The following HOOK3 variants were observed in gnomAD, a reference collection of about 807,000 sequenced individuals.
HOOK3 encodes the protein protein Hook homolog 3.
HOOK3 carries 24 observed loss-of-function variants against 116.3 expected under a neutral mutation model. That is an observed-to-expected ratio of 0.21 (90% CI 0.15 to 0.29). The LOEUF is 0.29. Ranked by LOEUF, HOOK3 falls within the 10% of genes least tolerant of loss-of-function variation. HOOK3 has a pLI of 1.00. For synonymous variants in HOOK3, 275 were observed against 283.0 expected, an observed-to-expected ratio of 0.97 and a Z score of 0.28; for missense variants, 632 against 830.2, an observed-to-expected ratio of 0.76 and a Z score of 2.93.
At chr8:42,946,813 G>C (rs187859283) in intron 5 of HOOK3, among the ~76,000 whole-genome samples, 3 of 145,948 alleles carry the variant, frequency 2.1e-5, no homozygotes, top group Admixed American at 6.9e-5. Flanking sequence ...CTGTCACCCA[G>C]GCTGGAGTCC....
chr8:42,955,382 T>C (rs1285471697), intron 6 of HOOK3, among the ~76,000 whole-genome samples: 1 of 152,190 alleles, frequency 6.6e-6, no homozygotes, highest in Non-Finnish European at 1.5e-5. Flanking sequence ...GGGATGACTT[T>C]AGCAGTCAGG....
intron 2 of HOOK3, among the ~76,000 whole-genome samples, chr8:42,911,564 A>C (rs1807429790): frequency 6.6e-6 from 1 of 152,214 alleles, no homozygotes; most frequent in African/African-American, 2.4e-5. Context: ...GCAGGTATAA[A>C]ATGAATTGGA....
intron 7 of HOOK3, 51 bp from the exon 8 acceptor site, chr8:42,959,180 T>C (rs775502932): frequency 8.3e-7 from 1 of 1,209,606 alleles, no homozygotes; most frequent in Admixed American, 1.8e-5. Flanking sequence ...ATACGAATTA[T>C]TAATTGTTAC....
intron 2 of HOOK3, among the ~76,000 whole-genome samples, chr8:42,908,208 TAGA>T (rs1165293223): frequency 3.3e-5 from 5 of 152,210 alleles, no homozygotes; most frequent in African/African-American, 7.2e-5. Context: ...ATTCATAGAT[TAGA>T]AGAAGAATTG....
At chr8:42,963,152 A>C (rs1444071455) in intron 8 of HOOK3, among the ~76,000 whole-genome samples, 2 of 152,156 alleles carry the variant, frequency 1.3e-5, no homozygotes, top group Non-Finnish European at 2.9e-5. Flanking sequence ...TTGTAGCTGT[A>C]AATTGTTAAT....
chr8:42,980,762 T>C (rs958313158), intron 13 of HOOK3, among the ~76,000 whole-genome samples: 1 of 152,064 alleles, frequency 6.6e-6, no homozygotes, highest in East Asian at 2.0e-4. Flanking sequence ...CGGGTGCCTG[T>C]AATCCCAGCT....
chr8:42,924,802 G>A (rs996807816), intron 2 of HOOK3, among the ~76,000 whole-genome samples: 6 of 151,918 alleles, frequency 3.9e-5, no homozygotes, highest in African/African-American at 1.2e-4. Flanking sequence ...GTGAAACCAC[G>A]TCTCTACTAA....
intron 2 of HOOK3, among the ~76,000 whole-genome samples, chr8:42,912,713 A>G (rs1807455102): frequency 6.6e-6 from 1 of 152,036 alleles, no homozygotes; most frequent in Non-Finnish European, 1.5e-5. Context: ...TTCCCCCACC[A>G]CAATGGTATA....
At chr8:42,924,054 TTATC>T (rs1485940785) in intron 2 of HOOK3, among the ~76,000 whole-genome samples, 1 of 152,208 alleles carries the variant, frequency 6.6e-6, no homozygotes, top group Non-Finnish European at 1.5e-5. Context: ...GATTGTGTAT[TTATC>T]AGTATGAGTT....
intron 16 of HOOK3, among the ~76,000 whole-genome samples, chr8:42,999,547 C>T (rs551684923): frequency 1.1e-4 from 16 of 152,052 alleles, no homozygotes; most frequent in African/African-American, 2.9e-4. Context: ...TGTTGCATCT[C>T]GGGAATGTGC....
At chr8:42,997,518 A>G (rs770215939) in intron 15 of HOOK3, 32 bp from the exon 16 acceptor site, 1 of 1,403,078 alleles carries the variant, frequency 7.1e-7, no homozygotes, top group South Asian at 1.2e-5. Flanking sequence ...GTAACTCACC[A>G]CTTGGAAAAT....
intron 3 of HOOK3, among the ~76,000 whole-genome samples, chr8:42,927,559 C>G (rs1563292932): frequency 6.6e-6 from 1 of 151,982 alleles, no homozygotes; most frequent in Non-Finnish European, 1.5e-5. Flanking sequence ...CCCGGCCGGC[C>G]CTGTTTTAAT....
At chr8:43,007,305 C>T (rs914915609) in intron 17 of HOOK3, among the ~76,000 whole-genome samples, 2 of 152,142 alleles carry the variant, frequency 1.3e-5, no homozygotes, top group Non-Finnish European at 2.9e-5. Flanking sequence ...ATCGGTTCTT[C>T]ATTCTTCCTC....
At chr8:42,899,163 TA>T (rs1563285904) in intron 1 of HOOK3, among the ~76,000 whole-genome samples, 1 of 152,184 alleles carries the variant, frequency 6.6e-6, no homozygotes, top group African/African-American at 2.4e-5. Flanking sequence ...GAAATGCTGA[TA>T]AAAATATACA....
At chr8:42,898,379 C>T (rs761312886) in intron 1 of HOOK3, among the ~76,000 whole-genome samples, 27 of 152,118 alleles carry the variant, frequency 1.8e-4, no homozygotes, top group Non-Finnish European at 3.5e-4. Flanking sequence ...TGCAGCTTAC[C>T]CTTCTGATGA....
chr8:42,965,142 G>A (rs939749339), intron 9 of HOOK3, among the ~76,000 whole-genome samples: 10 of 152,224 alleles, frequency 6.6e-5, no homozygotes, highest in Admixed American at 3.9e-4. Context: ...TCACCAGAAA[G>A]ATTAAATTTC....
intron 21 of HOOK3, among the ~76,000 whole-genome samples, chr8:43,014,220 A>C (rs1809664063): frequency 7.2e-6 from 1 of 138,460 alleles, no homozygotes; most frequent in Non-Finnish European, 1.5e-5. Flanking sequence ...TGGGAAGCAG[A>C]GGTTGCAATG....
At chr8:42,929,181 C>T (rs1241785542) in intron 3 of HOOK3, among the ~76,000 whole-genome samples, 1 of 152,058 alleles carries the variant, frequency 6.6e-6, no homozygotes, top group Non-Finnish European at 1.5e-5. Context: ...AAATGAACAT[C>T]CTAGAATGAA....
At chr8:42,964,720 G>A (rs1440714807) in intron 9 of HOOK3, among the ~76,000 whole-genome samples, 2 of 151,994 alleles carry the variant, frequency 1.3e-5, no homozygotes, top group African/African-American at 2.4e-5. Context: ...CTAGCTACTC[G>A]GGAGGCTGAG....
Sources: gnomAD v4.1 joint callset for allele counts (sites outside exome capture counted in the v4.1 genomes callset) on GRCh38, gnomAD v4.1.1 for gene constraint, MANE v1.5 for transcripts, NCBI Gene and HGNC (gene_info 2026-07-23, HGNC 2026-07-21) for gene names.